GPHN: variants seen among roughly 807,000 people sequenced by gnomAD.
GPHN encodes the protein gephyrin.
In GPHN, 17 loss-of-function variants were observed where a neutral mutation model predicts 95.5. The observed-to-expected ratio is 0.18, with a 90% CI of 0.12 to 0.27. The LOEUF (loss-of-function observed/expected upper bound fraction) is 0.27. GPHN is among the 10% of genes least tolerant of loss of function. GPHN has a pLI of 1.00. For missense variants in GPHN, 660 were observed against 978.1 expected (o/e 0.67, Z 4.34); for synonymous variants, 320 against 322.5 (o/e 0.99, Z 0.08).
At chr14:66,813,855 G>A (rs1241710477) in intron 3 of GPHN, among the ~76,000 whole-genome samples, 1 of 152,142 alleles carries the variant, frequency 6.6e-6, no homozygotes, top group Non-Finnish European at 1.5e-5. Flanking sequence ...CATGCCTGCT[G>A]GCAGGGCAGT....
At chr14:66,944,812 A>G (rs1248739101) in intron 8 of GPHN, among the ~76,000 whole-genome samples, 2 of 152,232 alleles carry the variant, frequency 1.3e-5, no homozygotes, top group African/African-American at 4.8e-5. Flanking sequence ...TGGGGAGGGG[A>G]AGGCTCCACA....
At chr14:67,687,180 C>T in the GPHN span, among the ~76,000 whole-genome samples, 3 of 152,210 alleles carry the variant, frequency 2.0e-5, no homozygotes, top group African/African-American at 7.2e-5. Context: ...AAACTACCCT[C>T]ATTTCTCACC....
the GPHN span, chr14:67,570,096 G>A: frequency 3.1e-6 from 3 of 975,914 alleles, no homozygotes; most frequent in South Asian, 2.8e-5. Context: ...CGGGGCTCTA[G>A]GGCCAGGCTT....
intron 4 of GPHN, among the ~76,000 whole-genome samples, chr14:66,848,550 T>G (rs187255758): frequency 2.0e-5 from 3 of 152,186 alleles, no homozygotes; most frequent in Non-Finnish European, 2.9e-5. Context: ...TTCTCGTTAC[T>G]TTCTCGTTAG....
chr14:67,661,720 T>TG, the GPHN span, among the ~76,000 whole-genome samples: 18,999 of 151,456 alleles, frequency 0.13, 1,228 homozygotes, highest in Admixed American at 0.15. Context: ...TTGGTAGAGA[T>TG]GGGGGGTCTC....
intron 4 of GPHN, among the ~76,000 whole-genome samples, chr14:66,856,522 C>G (rs922415273): frequency 3.3e-5 from 5 of 151,958 alleles, no homozygotes; most frequent in African/African-American, 1.2e-4. Flanking sequence ...TTTATGAGTT[C>G]AATTAAAACT....
chr14:66,938,663 T>G, intron 8 of GPHN, among the ~76,000 whole-genome samples: 1 of 152,182 alleles, frequency 6.6e-6, no homozygotes, highest in East Asian at 1.9e-4. Context: ...AAGTATTTGG[T>G]ACAATTCTTT....
chr14:67,120,031 T>G (rs1229204478), intron 16 of GPHN, among the ~76,000 whole-genome samples: 1 of 150,102 alleles, frequency 6.7e-6, no homozygotes, highest in African/African-American at 2.5e-5. Flanking sequence ...GAAGCTGTGG[T>G]AGGAAGATCG....
At chr14:67,652,867 C>T in the GPHN span, among the ~76,000 whole-genome samples, 8 of 152,244 alleles carry the variant, frequency 5.3e-5, no homozygotes, top group Admixed American at 4.6e-4. Flanking sequence ...CATCTCGGCT[C>T]ACTGCAACCT....
At chr14:67,068,381 C>T (rs1449465059) in intron 11 of GPHN, among the ~76,000 whole-genome samples, 3 of 152,178 alleles carry the variant, frequency 2.0e-5, no homozygotes, top group African/African-American at 7.2e-5. Flanking sequence ...AACAAGTATT[C>T]CACTGATAGG....
At chr14:67,606,607 G>T in the GPHN span, among the ~76,000 whole-genome samples, 2 of 150,886 alleles carry the variant, frequency 1.3e-5, no homozygotes, top group African/African-American at 5.0e-5. Flanking sequence ...GATTTCAAAG[G>T]AAAGGTAAAA....
the GPHN span, among the ~76,000 whole-genome samples, chr14:67,214,611 C>T: frequency 1.3e-5 from 2 of 152,066 alleles, no homozygotes; most frequent in African/African-American, 4.8e-5. Flanking sequence ...GTGCCTCCAG[C>T]TTTGTTCTTT....
chr14:66,632,400 T>C (rs567198012), intron 1 of GPHN, among the ~76,000 whole-genome samples: 276 of 152,286 alleles, frequency 1.8e-3, no homozygotes, highest in Non-Finnish European at 3.5e-3. Context: ...AGCTGAAATA[T>C]TGATCCAGGC....
chr14:67,570,162 A>G, the GPHN span: 1 of 706,690 alleles, frequency 1.4e-6, no homozygotes, highest in Non-Finnish European at 2.3e-6. Context: ...ATTTTGTTTT[A>G]TTGTTTATTA....
intron 1 of GPHN, among the ~76,000 whole-genome samples, chr14:66,538,823 T>A (rs1417393762): frequency 6.6e-6 from 1 of 150,888 alleles, no homozygotes; most frequent in African/African-American, 2.4e-5. Context: ...AAACATACAA[T>A]ATATGTTTTG....
the GPHN span, among the ~76,000 whole-genome samples, chr14:67,342,499 T>C: frequency 6.7e-6 from 1 of 150,340 alleles, no homozygotes; most frequent in East Asian, 1.9e-4. Context: ...CGACTTTACA[T>C]AGTTTACCTG....
chr14:66,571,948 A>G (rs765010310), intron 1 of GPHN, among the ~76,000 whole-genome samples: 1 of 152,348 alleles, frequency 6.6e-6, no homozygotes, highest in South Asian at 2.1e-4. Flanking sequence ...GTTGATTTGT[A>G]TATGACGTGA....
rs139454526 is a variant in GPHN at position 66,946,984 on chromosome 14, C to T, written c.829-18207C>T. 3.6e-3 allele frequency among the ~76,000 whole-genome samples: 552 copies of T among 152,222 alleles called. 3 individuals are homozygous for T. Among genetic ancestry groups the T allele is most frequent in the African/African-American group, 0.012 (505 of 41,518 alleles). ...TCAGTCTTCAACCCATAGCCAGAGT[C>T]GACTTTTTAAAATAAAGTAAATAAT... On this transcript the variant is annotated intron_variant, in intron 8 of 22. Coordinates refer to ENST00000478722, the MANE Select transcript of GPHN (RefSeq NM_020806.5).
intron 5 of GPHN, among the ~76,000 whole-genome samples, chr14:66,902,867 G>A (rs940493510): frequency 4.1e-4 from 63 of 152,108 alleles, no homozygotes; most frequent in Admixed American, 2.1e-3. Flanking sequence ...AATGCTGGCC[G>A]CATAGAATGA....
Sources: allele counts gnomAD v4.1 joint callset (sites outside exome capture counted in the v4.1 genomes callset), GRCh38; gene constraint gnomAD v4.1.1; transcripts MANE v1.5; gene names NCBI Gene and HGNC (gene_info 2026-07-23, HGNC 2026-07-21).